SEMA3D: variants seen among roughly 807,000 people sequenced by gnomAD.
SEMA3D encodes semaphorin-3D.
In SEMA3D, 84 loss-of-function variants were observed where a neutral mutation model predicts 100.1. The ratio of observed to expected loss-of-function variants is 0.84; its 90% CI spans 0.70 to 1.01. The LOEUF is 1.01. SEMA3D is among the 50% of genes least tolerant of loss of function. SEMA3D has a pLI of 0.00. For synonymous variants in SEMA3D, 312 were observed against 320.7 expected, an observed-to-expected ratio of 0.97 and a Z score of 0.29; for missense variants, 875 against 934.1, an observed-to-expected ratio of 0.94 and a Z score of 0.82.
chr7:85,047,888 G>A (rs942190390), intron 9 of SEMA3D, among the ~76,000 whole-genome samples: 1 of 151,820 alleles, frequency 6.6e-6, no homozygotes, highest in Non-Finnish European at 1.5e-5. Context: ...GTGCAAGCAA[G>A]AGAATGAAAT....
the SEMA3D span, among the ~76,000 whole-genome samples, chr7:85,242,742 G>T: frequency 6.6e-6 from 1 of 152,052 alleles, no homozygotes; most frequent in Non-Finnish European, 1.5e-5. Flanking sequence ...TAAACATTAA[G>T]AATTAACTCT....
At chr7:85,167,232 T>C in intron 1 of SEMA3D, 5 of 974,816 alleles carry the variant, frequency 5.1e-6, no homozygotes, top group Middle Eastern at 5.3e-4. Context: ...GGCTGAAACA[T>C]TTTGCTTGCA....
intron 1 of SEMA3D, among the ~76,000 whole-genome samples, chr7:85,168,169 A>C (rs1179358372): frequency 4.0e-5 from 6 of 151,840 alleles, no homozygotes; most frequent in Non-Finnish European, 5.9e-5. Context: ...ACAACTATAA[A>C]TATGTGGAAA....
chr7:85,040,496 AG>A lies in SEMA3D; in HGVS notation c.1046+176del, dbSNP rs544869282. 2.2e-3 allele frequency among the ~76,000 whole-genome samples: 340 copies of A among 152,258 alleles called. 3 individuals carry two copies. The highest frequency in any genetic ancestry group is 7.8e-3 in the African/African-American group (324 of 41,540). ...CTATACTGGCTTAAAAAGAAAAAAA[AG>A]AATTTTTTACACTGATATTAAATGA... On this transcript the variant is annotated intron_variant, in intron 11 of 18. Coordinates refer to ENST00000284136, the MANE Select transcript of SEMA3D (RefSeq NM_001384900.1).
At chr7:85,228,602 C>T in the SEMA3D span, among the ~76,000 whole-genome samples, 23,959 of 151,956 alleles carry the variant, frequency 0.16, 4,411 homozygotes, top group African/African-American at 0.45. Context: ...ATCTCTTGAT[C>T]GTATTCCTTC....
chr7:85,130,325 C>G (rs1789691406), intron 2 of SEMA3D, among the ~76,000 whole-genome samples: 1 of 152,168 alleles, frequency 6.6e-6, no homozygotes, highest in South Asian at 2.1e-4. Flanking sequence ...TTGTCCAGCA[C>G]TCTTAGCAGT....
chr7:85,029,269 G>A, intron 12 of SEMA3D: 1 of 835,878 alleles, frequency 1.2e-6, no homozygotes, highest in South Asian at 1.3e-5. Flanking sequence ...TACTCTCACT[G>A]ATGACAAGGG....
intron 8 of SEMA3D, among the ~76,000 whole-genome samples, chr7:85,060,554 T>C (rs1355238227): frequency 1.3e-5 from 2 of 152,174 alleles, no homozygotes; most frequent in African/African-American, 4.8e-5. Context: ...CCAGTAGGAA[T>C]GCAGCTTGAA....
chr7:85,020,346 C>T lies in SEMA3D; in HGVS notation c.1415-25G>A, dbSNP rs767268823. Reference sequence around the variant, plus strand: ...TCTGAAAAAATGCATAACCCATGATCCCATTGTTTCTATCTCAAAAATTAG... The same window carrying T: ...TCTGAAAAAATGCATAACCCATGATTCCATTGTTTCTATCTCAAAAATTAG... On this transcript the variant is annotated intron_variant, in intron 13 of 18. Transcript: ENST00000284136. 10 of 1,550,948 alleles carry T rather than the reference C, an allele frequency of 6.4e-6. No homozygotes were observed. In the South Asian group the frequency reaches 8.9e-5, roughly 14 times the overall value.
chr7:85,002,603 C>T (rs1230936193), intron 18 of SEMA3D, among the ~76,000 whole-genome samples: 1 of 152,152 alleles, frequency 6.6e-6, no homozygotes, highest in Non-Finnish European at 1.5e-5. Context: ...GAAAATTCAG[C>T]TCCTCAACAA....
chr7:85,234,731 T>C, the SEMA3D span, among the ~76,000 whole-genome samples: 1 of 152,344 alleles, frequency 6.6e-6, no homozygotes, highest in East Asian at 1.9e-4. Context: ...AACAGGTGTG[T>C]TAAAGGAACT....
In SEMA3D at chr7:85,040,688, A is replaced by C. The variant is rs1448711645; in HGVS notation, c.1031T>G (p.Val344Gly). 2 of 1,469,554 alleles carry C rather than the reference A, an allele frequency of 1.4e-6. No individual in the cohort carries two copies. The highest frequency in any genetic ancestry group is 2.8e-5 in the African/African-American group (2 of 71,942). The allele number at this position is 1,469,554 out of a possible 1,614,324, so 91.0% of individuals were successfully genotyped here. The change falls in exon 11 of 19, where the codon GTC becomes GGC. Residue 344 changes from valine to glycine, a missense_variant. Physicochemically the swap from Val to Gly is moderately radical, Grantham distance 109. Transcript: ENST00000284136. The stretch of plus-strand genomic sequence containing the variant: ...TTGAACATACCTGGTTGTAGTAAAG[A>C]CTCCATATACTACAGGATTTCTTTC... ...RDERNPVVYG[V>G]FTTTSSIFKG...
chr7:85,055,953 G>A (rs1316755789), intron 8 of SEMA3D, 94 bp from the exon 9 acceptor site: 4 of 653,362 alleles, frequency 6.1e-6, no homozygotes, highest in African/African-American at 1.9e-5. Flanking sequence ...ATTAGCAGTA[G>A]AATTTTTAAA....
At chr7:85,163,118 A>T (rs189884755) in intron 1 of SEMA3D, 17 of 379,076 alleles carry the variant, frequency 4.5e-5, no homozygotes, top group African/African-American at 3.3e-4. Flanking sequence ...AGAAAAAAAA[A>T]GGCACTTGGA....
At chr7:85,042,487 G>T (rs1790891680) in intron 9 of SEMA3D, among the ~76,000 whole-genome samples, 2 of 152,050 alleles carry the variant, frequency 1.3e-5, no homozygotes, top group Admixed American at 1.3e-4. Context: ...ATAGTTAAAT[G>T]AATTAAATAC....
At chr7:85,202,729 A>G in the SEMA3D span, among the ~76,000 whole-genome samples, 1 of 152,198 alleles carries the variant, frequency 6.6e-6, no homozygotes, top group Non-Finnish European at 1.5e-5. Context: ...CAGCCAAAAA[A>G]CACATGAAAA....
intron 2 of SEMA3D, among the ~76,000 whole-genome samples, chr7:85,125,775 G>T (rs1444065992): frequency 1.6e-5 from 2 of 128,184 alleles, no homozygotes; most frequent in Admixed American, 1.5e-4. Context: ...TTGATATTTT[G>T]CTGTCTTCGT....
At chr7:85,102,273 G>A (rs1464462229) in intron 3 of SEMA3D, among the ~76,000 whole-genome samples, 1 of 151,956 alleles carries the variant, frequency 6.6e-6, no homozygotes, top group Non-Finnish European at 1.5e-5. Context: ...ACACTAGGCT[G>A]TACAGGAACA....
chr7:85,194,022 G>A, the SEMA3D span, among the ~76,000 whole-genome samples: 167 of 152,184 alleles, frequency 1.1e-3, no homozygotes, highest in African/African-American at 3.8e-3. Flanking sequence ...AGAAAGCCTG[G>A]TAGAGTGATT....
Sources: allele counts gnomAD v4.1 joint callset (sites outside exome capture counted in the v4.1 genomes callset), GRCh38; gene constraint gnomAD v4.1.1; transcripts MANE v1.5; gene names NCBI Gene and HGNC (gene_info 2026-07-23, HGNC 2026-07-21).